Variants in TERB2 observed in about 807,000 individuals in gnomAD.
TERB2 encodes telomere repeats-binding bouquet formation protein 2.
A neutral mutation model predicts 29.8 loss-of-function variants in TERB2; 26 were observed. That is an observed-to-expected ratio of 0.87 (90% confidence interval 0.64 to 1.21). The LOEUF (loss-of-function observed/expected upper bound fraction) is 1.21, where lower values mean the gene tolerates loss of function less well. Ranked by LOEUF, TERB2 falls within the 50% of genes most tolerant of loss-of-function variation. TERB2 has a pLI of 0.00. For missense variants in TERB2, 240 were observed against 268.6 expected, an observed-to-expected ratio of 0.89 and a Z score of 0.74; for synonymous variants, 80 against 90.8, an observed-to-expected ratio of 0.88 and a Z score of 0.68.
At chr15:44,962,719 C>T (rs1891825642) in intron 4 of TERB2, 1 of 152,194 alleles carries the variant, frequency 6.6e-6, no homozygotes, top group African/African-American at 2.4e-5. Context: ...TTTACTTACG[C>T]TTTTGACTTA....
intron 5 of TERB2, among the ~76,000 whole-genome samples, chr15:44,973,393 C>G (rs780298209): frequency 6.6e-6 from 1 of 151,988 alleles, no homozygotes; most frequent in African/African-American, 2.4e-5. Flanking sequence ...GAGAAAAAGA[C>G]CCAGGACTCT....
At chr15:44,965,162 C>CAAAAAAAAAAAAAAAAAAAAA (rs66756472) in intron 4 of TERB2, among the ~76,000 whole-genome samples, 1 of 48,814 alleles carries the variant, frequency 2.0e-5, no homozygotes, top group Admixed American at 4.3e-4. Context: ...GACTCTGTCT[C>CAAAAAAAAAAAAAAAAAAAAA]AAAAAAAAAA....
intron 6 of TERB2, among the ~76,000 whole-genome samples, chr15:44,975,436 T>A (rs1029989315): frequency 1.3e-5 from 2 of 152,066 alleles, no homozygotes; most frequent in Non-Finnish European, 2.9e-5. Flanking sequence ...TGGTATCAAT[T>A]TTTGTGACTA....
intron 6 of TERB2, among the ~76,000 whole-genome samples, chr15:44,977,936 A>G (rs1892069312): frequency 6.6e-6 from 1 of 152,154 alleles, no homozygotes; most frequent in African/African-American, 2.4e-5. Flanking sequence ...TTTTTTTTAT[A>G]TGACTCATAT....
intron 3 of TERB2, among the ~76,000 whole-genome samples, chr15:44,960,671 T>C (rs1013951455): frequency 1.3e-5 from 2 of 152,194 alleles, no homozygotes; most frequent in Non-Finnish European, 2.9e-5. Context: ...CCTGTATTTA[T>C]TTTATACTTA....
At chr15:44,966,002 T>C (rs1484393618) in intron 4 of TERB2, among the ~76,000 whole-genome samples, 156 bp from the exon 5 acceptor site, 4 of 152,130 alleles carry the variant, frequency 2.6e-5, no homozygotes, top group Non-Finnish European at 5.9e-5. Context: ...TTGTAAATTT[T>C]CTTCACTCAG....
Position 44,961,594 on chromosome 15 carries a change from A to C in TERB2, c.348+10A>C, listed in dbSNP as rs149724738. 768 of 1,564,008 alleles carry C rather than the reference A, an allele frequency of 4.9e-4. 6 individuals are homozygous for C. In the African/African-American group the frequency reaches 8.2e-3, roughly 17 times the overall value. On this transcript the variant is annotated intron_variant, in intron 4 of 6. Transcript: ENST00000340827. The stretch of plus-strand genomic sequence containing the variant: ...TTTTCTGATAGAAAAGGTAAGAGTA[A>C]ATTAAGGTACTTGATTAGCATCTAC...
In TERB2 at chr15:44,958,263, T is replaced by G. The variant is rs1325286029; in HGVS notation, c.147-110T>G. The G allele has an allele frequency of 3.1e-6, 4 of 1,303,384 alleles. No homozygotes were observed. The East Asian group carries it at 9.4e-5, about 31-fold the overall frequency. The allele number at this position is 1,303,384 out of a possible 1,614,324, so 80.7% of individuals were successfully genotyped here. A position where few individuals can be genotyped will look rare whatever the true frequency, so the allele number is the denominator to read the frequency against. ...GCCAGAAAAGGACAGCATACATGTA[T>G]GCTTCAATGTAATCGTCTCCCTACT... On this transcript the variant is annotated intron_variant, in intron 2 of 6. Coordinates refer to ENST00000340827, the MANE Select transcript of TERB2 (RefSeq NM_152448.3).
intron 5 of TERB2, among the ~76,000 whole-genome samples, chr15:44,972,517 CTTTT>C (rs5812285): frequency 7.5e-6 from 1 of 133,996 alleles, no homozygotes. Flanking sequence ...ATCCTTTTAG[CTTTT>C]TTTTTTTTTT....
At chr15:44,973,610 A>G (rs144914594) in intron 5 of TERB2, 64 of 161,894 alleles carry the variant, frequency 4.0e-4, no homozygotes, top group Non-Finnish European at 6.5e-4. Context: ...AGAGGTTAGC[A>G]TGGCCCCTGC....
intron 2 of TERB2, among the ~76,000 whole-genome samples, chr15:44,957,308 T>A (rs1891732132): frequency 6.6e-6 from 1 of 151,990 alleles, no homozygotes; most frequent in African/African-American, 2.4e-5. Flanking sequence ...ACGAGCAAGT[T>A]TTCAGTCCTA....
chr15:44,961,273 G>T (rs1891800149), intron 3 of TERB2, among the ~76,000 whole-genome samples: 1 of 148,984 alleles, frequency 6.7e-6, no homozygotes. Flanking sequence ...ATATATTCTA[G>T]CAGGAAACGT....
At chr15:44,972,664 C>T (rs576320553) in intron 5 of TERB2, among the ~76,000 whole-genome samples, 1 of 150,686 alleles carries the variant, frequency 6.6e-6, no homozygotes, top group Non-Finnish European at 1.5e-5. Flanking sequence ...TACAGCTGCT[C>T]GCCACCACAC....
In TERB2 at chr15:44,956,769, G is replaced by C; in HGVS notation, c.51G>C (p.Leu17=). Residue 17 remains leucine, a synonymous_variant, in exon 1 of 7, where the codon CTG becomes CTC. Coordinates refer to ENST00000340827, the MANE Select transcript of TERB2 (RefSeq NM_152448.3). The part of the protein sequence containing the change: ...GWFCGSVSQD[L]RQFWVAEGGT... ...TTTGCGGCAGCGTTAGCCAGGATCT[G>C]AGGCAATTCTGGGGTAGGAAGCTGA... 4.3e-6 allele frequency: 7 copies of C among 1,613,874 alleles called. No individual in the cohort carries two copies. The highest frequency in any genetic ancestry group is 5.9e-6 in the Non-Finnish European group (7 of 1,179,872).
intron 3 of TERB2, among the ~76,000 whole-genome samples, chr15:44,958,801 T>C (rs1443544134): frequency 6.6e-6 from 1 of 152,230 alleles, no homozygotes; most frequent in East Asian, 1.9e-4. Context: ...ACAGTGCAGA[T>C]CTTGCCTTCA....
chr15:44,972,303 A>T (rs1891983932), intron 5 of TERB2, among the ~76,000 whole-genome samples: 1 of 152,018 alleles, frequency 6.6e-6, no homozygotes, highest in Non-Finnish European at 1.5e-5. Context: ...AAAAATGGAA[A>T]ATAAAGCCTT....
chr15:44,956,693 C>T lies in TERB2; in HGVS notation c.-26C>T, dbSNP rs767281031. 4 of 1,575,546 alleles carry T rather than the reference C, an allele frequency of 2.5e-6. No individual in the cohort carries two copies. Among genetic ancestry groups the T allele is most frequent in the Non-Finnish European group, 3.4e-6 (4 of 1,162,476 alleles). On this transcript the variant is annotated 5_prime_UTR_variant, in exon 1 of 7. Transcript: ENST00000340827. ...ATCTCAGCTCTGCGGCCTCCTCTCT[C>T]ACATCTCCACAGGCTTGGCGACGCC...
intron 4 of TERB2, among the ~76,000 whole-genome samples, chr15:44,964,320 T>A (rs1262448524): frequency 1.3e-5 from 2 of 152,358 alleles, no homozygotes; most frequent in Non-Finnish European, 2.9e-5. Context: ...CAAGGCATCA[T>A]CATCTGAAAA....
At chr15:44,972,367 G>T (rs944828047) in intron 5 of TERB2, among the ~76,000 whole-genome samples, 1 of 151,982 alleles carries the variant, frequency 6.6e-6, no homozygotes, top group Non-Finnish European at 1.5e-5. Context: ...ATTTAAGGAT[G>T]ACTCCAATTT....
Sources: allele counts gnomAD v4.1 joint callset (sites outside exome capture counted in the v4.1 genomes callset), GRCh38; gene constraint gnomAD v4.1.1; transcripts MANE v1.5; gene names NCBI Gene and HGNC (gene_info 2026-07-23, HGNC 2026-07-21).